IQGAP2: variants seen among roughly 807,000 people sequenced by gnomAD.
IQGAP2 encodes IQ motif containing GTPase activating protein 2.
A neutral mutation model predicts 201.3 loss-of-function variants in IQGAP2; 173 were observed. That is an observed-to-expected ratio of 0.86 (90% confidence interval 0.76 to 0.98). The LOEUF (loss-of-function observed/expected upper bound fraction) is 0.98, where lower values mean the gene tolerates loss of function less well. Among genes scored for constraint, IQGAP2 ranks in the 50% least tolerant of loss-of-function variants. The pLI, the probability that IQGAP2 is intolerant of heterozygous loss-of-function variation, is 0.00. For synonymous variants in IQGAP2, 675 were observed against 673.9 expected (o/e 1.00, Z -0.03); for missense variants, 1,687 against 1,864.8 (o/e 0.90, Z 1.76).
chr5:76,626,936 G>A (rs1286763847), intron 13 of IQGAP2, among the ~76,000 whole-genome samples: 1 of 152,190 alleles, frequency 6.6e-6, no homozygotes, highest in African/African-American at 2.4e-5. Context: ...GGAAGTAAAC[G>A]GGTGTGAGGT....
intron 4 of IQGAP2, among the ~76,000 whole-genome samples, 153 bp from the exon 5 acceptor site, chr5:76,575,540 T>G (rs1337211616): frequency 6.6e-6 from 1 of 152,182 alleles, no homozygotes; most frequent in African/African-American, 2.4e-5. Flanking sequence ...GATTGGTCTA[T>G]CTCTACAGCA....
At chr5:76,613,792 T>G (rs1325313839) in intron 13 of IQGAP2, among the ~76,000 whole-genome samples, 1 of 152,118 alleles carries the variant, frequency 6.6e-6, no homozygotes. Flanking sequence ...CCTCCCAGGT[T>G]CAACCGATTC....
At chr5:76,404,443 C>A (rs1435323023) in intron 1 of IQGAP2, 3 of 984,718 alleles carry the variant, frequency 3.0e-6, no homozygotes, top group Non-Finnish European at 3.6e-6. Context: ...AGAAAGTTGG[C>A]CTGCTGTCTC....
intron 2 of IQGAP2, among the ~76,000 whole-genome samples, chr5:76,541,375 G>A (rs1388607349): frequency 6.6e-6 from 1 of 152,014 alleles, no homozygotes; most frequent in African/African-American, 2.4e-5. Flanking sequence ...TCCTTTTCGT[G>A]GCCAAATAAC....
intron 13 of IQGAP2, among the ~76,000 whole-genome samples, chr5:76,626,647 T>C (rs1386939578): frequency 6.6e-6 from 1 of 152,200 alleles, no homozygotes; most frequent in African/African-American, 2.4e-5. Flanking sequence ...TGTTTGTTTT[T>C]AATTTTTGTC....
chr5:76,549,702 T>A (rs1743319575), intron 2 of IQGAP2, among the ~76,000 whole-genome samples: 1 of 152,140 alleles, frequency 6.6e-6, no homozygotes, highest in African/African-American at 2.4e-5. Flanking sequence ...CAGATGGCCC[T>A]TTCACTATGT....
chr5:76,582,945 T>A (rs1580515654), intron 5 of IQGAP2, among the ~76,000 whole-genome samples: 3 of 152,226 alleles, frequency 2.0e-5, no homozygotes, highest in African/African-American at 7.2e-5. Context: ...AACCCCTCCG[T>A]TGCTGGCCTC....
At chr5:76,622,399 T>A (rs181157593) in intron 13 of IQGAP2, among the ~76,000 whole-genome samples, 65 of 152,328 alleles carry the variant, frequency 4.3e-4, no homozygotes, top group African/African-American at 1.5e-3. Context: ...TAAGCAATGT[T>A]CCTTTAGAAA....
At chr5:76,521,252 C>T (rs1009401540) in intron 2 of IQGAP2, among the ~76,000 whole-genome samples, 3 of 152,132 alleles carry the variant, frequency 2.0e-5, no homozygotes, top group African/African-American at 4.8e-5. Flanking sequence ...GGACCCAGGC[C>T]CTCAATGACA....
intron 30 of IQGAP2, 82 bp from the exon 31 acceptor site, chr5:76,693,273 T>C: frequency 1.2e-6 from 1 of 815,864 alleles, no homozygotes; most frequent in Non-Finnish European, 2.0e-6. Context: ...TTGTATGTGT[T>C]TGTGCACTCT....
chr5:76,553,038 T>C (rs1414070545), intron 2 of IQGAP2, among the ~76,000 whole-genome samples: 1 of 152,236 alleles, frequency 6.6e-6, no homozygotes, highest in Admixed American at 6.5e-5. Context: ...GAGAGAAAGA[T>C]AGGGGCCCGT....
chr5:76,582,694 A>G (rs573040148), intron 5 of IQGAP2, among the ~76,000 whole-genome samples: 4 of 152,338 alleles, frequency 2.6e-5, no homozygotes, highest in Admixed American at 1.3e-4. Flanking sequence ...CACTAGTTTT[A>G]TCTTGAAAGT....
At chr5:76,604,734 GTTATTGTGGTCAGTATTA>G in intron 11 of IQGAP2, among the ~76,000 whole-genome samples, 1 of 152,240 alleles carries the variant, frequency 6.6e-6, no homozygotes, top group African/African-American at 2.4e-5. Flanking sequence ...AATCCAAATC[GTTATTGTGGTCAGTATTA>G]TTTATTATAC....
At chr5:76,457,760 C>G (rs568578012) in intron 1 of IQGAP2, among the ~76,000 whole-genome samples, 3 of 152,324 alleles carry the variant, frequency 2.0e-5, no homozygotes, top group South Asian at 4.1e-4. Flanking sequence ...ATTTATACTT[C>G]TATTTCAAAA....
intron 2 of IQGAP2, among the ~76,000 whole-genome samples, chr5:76,467,418 A>G (rs1754840751): frequency 6.6e-6 from 1 of 152,222 alleles, no homozygotes; most frequent in Non-Finnish European, 1.5e-5. Flanking sequence ...CATCAGGGAA[A>G]TACAAATCAA....
intron 2 of IQGAP2, among the ~76,000 whole-genome samples, chr5:76,540,958 G>A (rs745778373): frequency 2.0e-5 from 3 of 148,250 alleles, no homozygotes; most frequent in Non-Finnish European, 4.5e-5. Context: ...TGTAAGAAAA[G>A]CACTCCTTTT....
intron 2 of IQGAP2, among the ~76,000 whole-genome samples, chr5:76,547,692 G>A (rs1004284551): frequency 8.5e-5 from 13 of 152,144 alleles, no homozygotes; most frequent in African/African-American, 3.1e-4. Flanking sequence ...AGTACTTTCG[G>A]TTCTTTCTTC....
chr5:76,509,693 T>C (rs886133597), intron 2 of IQGAP2, among the ~76,000 whole-genome samples: 6 of 151,992 alleles, frequency 3.9e-5, no homozygotes, highest in African/African-American at 1.4e-4. Context: ...TGTGCCCAGA[T>C]TCCTTGTCCT....
At chr5:76,508,083 C>T (rs1334762961) in intron 2 of IQGAP2, among the ~76,000 whole-genome samples, 1 of 150,158 alleles carries the variant, frequency 6.7e-6, no homozygotes, top group African/African-American at 2.5e-5. Context: ...GTAATCCCAG[C>T]ACTTTGGGAG....
Sources: gnomAD v4.1 joint callset for allele counts (sites outside exome capture counted in the v4.1 genomes callset) on GRCh38, gnomAD v4.1.1 for gene constraint, MANE v1.5 for transcripts, NCBI Gene and HGNC (gene_info 2026-07-23, HGNC 2026-07-21) for gene names.